The following STXBP5L variants were observed in gnomAD, a reference collection of about 807,000 sequenced individuals.
The protein encoded by STXBP5L is syntaxin binding protein 5L.
In STXBP5L, 65 loss-of-function variants were observed where a neutral mutation model predicts 144.5. The observed-to-expected ratio is 0.45, with a 90% CI of 0.37 to 0.55. STXBP5L has a LOEUF of 0.55. Among genes scored for constraint, STXBP5L ranks in the 20% least tolerant of loss-of-function variants. The probability of loss-of-function intolerance (pLI) is 0.00; values close to 1 mark genes in which losing one functional copy is unlikely to be tolerated. For missense variants in STXBP5L, 1,298 were observed against 1,405.5 expected (o/e 0.92, Z 1.22); for synonymous variants, 505 against 469.6 (o/e 1.08, Z -0.97).
At chr3:121,007,718 A>G (rs1944449665) in intron 3 of STXBP5L, among the ~76,000 whole-genome samples, 1 of 151,974 alleles carries the variant, frequency 6.6e-6, no homozygotes, top group African/African-American at 2.4e-5. Context: ...GGTTAGAGAA[A>G]GCCTTTAACT....
intron 5 of STXBP5L, among the ~76,000 whole-genome samples, chr3:121,054,637 G>A (rs911635411): frequency 1.3e-5 from 2 of 150,668 alleles, no homozygotes; most frequent in Non-Finnish European, 3.0e-5. Context: ...ATACCTAATG[G>A]TAAATGACGA....
intron 3 of STXBP5L, among the ~76,000 whole-genome samples, chr3:121,029,522 CAATT>C (rs1442719671): frequency 1.3e-5 from 2 of 151,944 alleles, no homozygotes; most frequent in African/African-American, 4.8e-5. Context: ...CCTTATACAA[CAATT>C]AATGCAAGAT....
intron 20 of STXBP5L, among the ~76,000 whole-genome samples, chr3:121,329,832 C>T (rs2044267048): frequency 6.6e-6 from 1 of 152,232 alleles, no homozygotes; most frequent in East Asian, 1.9e-4. Flanking sequence ...TGCACTCCAG[C>T]CTGGGTGACA....
At chr3:121,414,854 T>C (rs2047196573) in intron 24 of STXBP5L, among the ~76,000 whole-genome samples, 1 of 152,214 alleles carries the variant, frequency 6.6e-6, no homozygotes, top group South Asian at 2.1e-4. Flanking sequence ...AGTATGGCAG[T>C]TGGTTTTCAG....
chr3:121,000,678 A>T (rs956428614), intron 3 of STXBP5L, among the ~76,000 whole-genome samples: 3 of 152,210 alleles, frequency 2.0e-5, no homozygotes, highest in African/African-American at 7.2e-5. Context: ...ATTTGGAGGT[A>T]AGAAGGCACT....
intron 18 of STXBP5L, among the ~76,000 whole-genome samples, chr3:121,259,859 A>G (rs544954103): frequency 6.6e-6 from 1 of 151,692 alleles, no homozygotes; most frequent in South Asian, 2.1e-4. Flanking sequence ...GTTCTAGATG[A>G]TACTTTCCTC....
intron 2 of STXBP5L, 32 bp from the exon 3 acceptor site, chr3:120,954,908 G>T: frequency 6.4e-7 from 1 of 1,562,862 alleles, no homozygotes. Context: ...TATTTCCCTA[G>T]AGACTTATTG....
intron 20 of STXBP5L, among the ~76,000 whole-genome samples, chr3:121,339,815 GA>G (rs201461700): frequency 0.14 from 19,942 of 143,234 alleles, 1,585 homozygotes; most frequent in Admixed American, 0.25. Flanking sequence ...TATAATAGCT[GA>G]AAAAAAAAAA....
At chr3:121,170,662 C>G (rs1470213725) in intron 9 of STXBP5L, among the ~76,000 whole-genome samples, 1 of 152,108 alleles carries the variant, frequency 6.6e-6, no homozygotes. Context: ...AATCCCTGAA[C>G]AGACCAATTA....
chr3:121,239,143 T>A (rs763195428), intron 13 of STXBP5L, 25 bp downstream of exon 13: 2 of 1,343,924 alleles, frequency 1.5e-6, no homozygotes, highest in South Asian at 1.5e-5. Context: ...TATAAATAAC[T>A]TTTTTTGTAT....
chr3:120,977,592 G>A (rs1355337098), intron 3 of STXBP5L, among the ~76,000 whole-genome samples: 2 of 152,130 alleles, frequency 1.3e-5, no homozygotes, highest in South Asian at 4.1e-4. Flanking sequence ...TCATTATGAT[G>A]TTAGCTGGTT....
chr3:120,982,496 C>G (rs983474596), intron 3 of STXBP5L, among the ~76,000 whole-genome samples: 5 of 152,142 alleles, frequency 3.3e-5, no homozygotes, highest in Admixed American at 2.6e-4. Context: ...CCTGTTATAC[C>G]CCTGTCCCAG....
At chr3:120,980,489 A>T (rs763130845) in intron 3 of STXBP5L, among the ~76,000 whole-genome samples, 12 of 151,454 alleles carry the variant, frequency 7.9e-5, no homozygotes, top group South Asian at 2.1e-4. Context: ...TTGTTGATTT[A>T]AAATCTATTT....
intron 10 of STXBP5L, among the ~76,000 whole-genome samples, chr3:121,220,655 T>C (rs1391231826): frequency 6.6e-6 from 1 of 152,096 alleles, no homozygotes; most frequent in Non-Finnish European, 1.5e-5. Context: ...GTTTTGCAAG[T>C]GCAAATTATC....
rs1947156047 is a variant in STXBP5L at position 121,041,567 on chromosome 3, A to T, written c.288-133A>T. ...AATTTAATTTACATCTACTAAGAGTAAGATTTTTCAACTATTTATAAAAAT... is the reference window on the plus strand; with the variant it reads ...AATTTAATTTACATCTACTAAGAGTTAGATTTTTCAACTATTTATAAAAAT... On this transcript the variant is annotated intron_variant, in intron 3 of 26. Transcript: ENST00000471454. The T allele has an allele frequency of 9.5e-6, 6 of 629,786 alleles. No homozygotes were observed. The South Asian group carries it at 1.2e-4, about 13-fold the overall frequency. 39.0% of individuals were successfully genotyped at this position (629,786 alleles called of 1,614,324 possible).
In STXBP5L at chr3:121,313,210, G is replaced by T. The variant is rs1427426087; in HGVS notation, c.2111-5265G>T. ...TCCCGGACGGGGCGGCCGGCCGGAA[G>T]GGGGGCTGACCCCCCCCACCTCCCT... On this transcript the variant is annotated intron_variant, in intron 19 of 26. Transcript: ENST00000471454. Among the ~76,000 whole-genome samples the T allele has an allele frequency of 1.7e-4, 23 of 139,020 alleles. 1 individual carries two copies. Among genetic ancestry groups the T allele is most frequent in the African/African-American group, 6.2e-4 (22 of 35,364 alleles). The allele number at this position is 139,020 out of a possible 152,430, so 91.2% of individuals were successfully genotyped here.
intron 3 of STXBP5L, among the ~76,000 whole-genome samples, chr3:120,960,725 A>T (rs1169016100): frequency 6.6e-6 from 1 of 151,468 alleles, no homozygotes; most frequent in East Asian, 2.0e-4. Context: ...ACACTTGGAC[A>T]CAGGAAGGGG....
intron 5 of STXBP5L, among the ~76,000 whole-genome samples, chr3:121,052,325 A>G (rs1948078502): frequency 6.6e-6 from 1 of 152,190 alleles, no homozygotes; most frequent in Non-Finnish European, 1.5e-5. Flanking sequence ...TCCCTGATGA[A>G]CATCGATGCA....
rs72968006 is a variant in STXBP5L, at chr3:121,204,642, T to C, written c.878-1281T>C. 2.5e-3 allele frequency among the ~76,000 whole-genome samples: 381 copies of C among 151,802 alleles called. 2 individuals are homozygous for C. The highest frequency in any genetic ancestry group is 8.6e-3 in the African/African-American group (358 of 41,478). On this transcript the variant is annotated intron_variant, in intron 9 of 26. Transcript: ENST00000471454. ...AGATAAACAATGTATTACATAGGTA[T>C]CTATGTAATAGATAATGTATTACAT...
Sources: allele counts gnomAD v4.1 joint callset (sites outside exome capture counted in the v4.1 genomes callset), GRCh38; gene constraint gnomAD v4.1.1; transcripts MANE v1.5; gene names NCBI Gene and HGNC (gene_info 2026-07-23, HGNC 2026-07-21).